GAREM2: variants seen among roughly 807,000 people sequenced by gnomAD.
GAREM2 encodes GRB2-associated and regulator of MAPK protein 2.
Under a neutral mutation model 55.6 loss-of-function variants are expected in GAREM2, and 30 were observed. That is an observed-to-expected ratio of 0.54 (90% confidence interval 0.40 to 0.73). GAREM2 has a LOEUF of 0.73. Among genes scored for constraint, GAREM2 ranks in the 30% least tolerant of loss-of-function variants. The probability of loss-of-function intolerance (pLI) is 0.00; values close to 1 mark genes in which losing one functional copy is unlikely to be tolerated. For missense variants in GAREM2, 1,075 were observed against 1,257.7 expected, an observed-to-expected ratio of 0.85 and a Z score of 2.20; for synonymous variants, 550 against 569.1, an observed-to-expected ratio of 0.97 and a Z score of 0.48.
At chr2:26,175,609 G>A (rs1668839272) in intron 1 of GAREM2, among the ~76,000 whole-genome samples, 2 of 152,134 alleles carry the variant, frequency 1.3e-5, no homozygotes, top group Non-Finnish European at 2.9e-5. Flanking sequence ...TGGGGTTGGG[G>A]GTTTCTGGGG....
chr2:26,193,836 C>T, downstream of GAREM2: 5 of 1,280,594 alleles, frequency 3.9e-6, no homozygotes, highest in South Asian at 4.8e-5. Context: ...AAAGGGCTCC[C>T]TGTACTGGCT....
At position 26,180,349 on chromosome 2, in the gene GAREM2, G is replaced by A. The variant is rs191873535; in HGVS notation, c.254-2618G>A. ...TGTTCATGCTAGGAGCACAGTGTGG[G>A]CATTTTTCTGGGATGAACATCCCCA... On this transcript the variant is annotated intron_variant, in intron 2 of 5. Transcript: ENST00000401533. 2.1e-4 allele frequency among the ~76,000 whole-genome samples: 32 copies of A among 152,230 alleles called. 1 individual carries two copies. The highest frequency in any genetic ancestry group is 2.1e-3 in the Admixed American group (32 of 15,294).
chr2:26,186,415 G>T (rs1188950711), intron 5 of GAREM2, 57 bp downstream of exon 5: 2 of 1,480,284 alleles, frequency 1.4e-6, no homozygotes, highest in East Asian at 2.5e-5. Flanking sequence ...GCAGGGAAGG[G>T]TGAGGAGGGG....
chr2:26,182,022 C>T (rs749047704), intron 2 of GAREM2: 19 of 995,974 alleles, frequency 1.9e-5, no homozygotes, highest in Non-Finnish European at 2.2e-5. Flanking sequence ...CTTCTCTCGA[C>T]TTGTTCCCTC....
At chr2:26,182,881 G>T (rs141788237) in intron 2 of GAREM2, 86 bp from the exon 3 acceptor site, 2 of 1,476,138 alleles carry the variant, frequency 1.4e-6, no homozygotes, top group Non-Finnish European at 9.2e-7. Flanking sequence ...GATTATGGTA[G>T]CAAGTGACCA....
At chr2:26,193,766 C>T (rs749747433), downstream of GAREM2, 7 of 1,613,986 alleles carry the variant, frequency 4.3e-6, no homozygotes, top group Non-Finnish European at 5.9e-6. Context: ...TTCGGGTCAA[C>T]TCCTTCCTGA....
In GAREM2 at chr2:26,184,324, T is replaced by A; in HGVS notation, c.476T>A (p.Ile159Asn). The change falls in exon 4 of 6, where the codon ATC (isoleucine) becomes AAC (asparagine). Residue 159 changes from isoleucine (I) to asparagine (N), a missense_variant. Transcript: ENST00000401533. ...DELTLMGQAE[I>N]LCAKTTKERS... ...CTCACTCTTATGGGCCAGGCGGAGA[T>A]CCTGTGCGCCAAGACCACCAAGGAG... The A allele has an allele frequency of 6.4e-7, 1 of 1,550,662 alleles. No homozygotes were observed. Among genetic ancestry groups the A allele is most frequent in the Non-Finnish European group, 8.7e-7 (1 of 1,146,708 alleles).
At chr2:26,201,247 G>T in the GAREM2 span, 2 of 1,611,180 alleles carry the variant, frequency 1.2e-6, no homozygotes, top group African/African-American at 2.7e-5. Flanking sequence ...TAATCAAGCT[G>T]CCCAGTCAAG....
chr2:26,174,541 GGTCA>G (rs1179231469), intron 1 of GAREM2, among the ~76,000 whole-genome samples: 2 of 152,214 alleles, frequency 1.3e-5, no homozygotes, highest in Admixed American at 6.5e-5. Context: ...CCATTATAAT[GGTCA>G]GTCAGTTTAT....
the GAREM2 span, among the ~76,000 whole-genome samples, chr2:26,197,080 C>T: frequency 6.6e-6 from 1 of 152,210 alleles, no homozygotes; most frequent in South Asian, 2.1e-4. Context: ...TTCCTGCCTA[C>T]CTTCGGCTGG....
the GAREM2 span, among the ~76,000 whole-genome samples, chr2:26,196,210 T>G: frequency 6.6e-6 from 1 of 152,240 alleles, no homozygotes; most frequent in Admixed American, 6.5e-5. Flanking sequence ...TATGACGGGG[T>G]GGGATTCCAT....
intron 2 of GAREM2, chr2:26,182,629 T>G: frequency 2.3e-6 from 2 of 882,988 alleles, no homozygotes; most frequent in East Asian, 2.7e-5. Flanking sequence ...ACCACACTGA[T>G]AGTTGATCAG....
At chr2:26,191,708 CG>C (rs1558313635), downstream of GAREM2, 2 of 1,444,406 alleles carry the variant, frequency 1.4e-6, no homozygotes, top group African/African-American at 1.4e-5. Flanking sequence ...GAATGGAAGT[CG>C]GGATGGGTGC....
intron 4 of GAREM2, among the ~76,000 whole-genome samples, 154 bp from the exon 5 acceptor site, chr2:26,186,035 G>C (rs1021101364): frequency 6.6e-6 from 1 of 152,164 alleles, no homozygotes; most frequent in Non-Finnish European, 1.5e-5. Context: ...GTGGCTGGCT[G>C]ACTGGATGAG....
chr2:26,201,698 CAG>C, the GAREM2 span, among the ~76,000 whole-genome samples: 1 of 152,064 alleles, frequency 6.6e-6, no homozygotes, highest in Non-Finnish European at 1.5e-5. Context: ...CTACCTATGA[CAG>C]GGGAAGCAGC....
In GAREM2 at chr2:26,187,900, A is replaced by C; in HGVS notation, c.2268A>C (p.Pro756=). 7.0e-7 allele frequency: 1 copy of C among 1,437,484 alleles called. No homozygotes were observed. The highest frequency in any genetic ancestry group is 9.2e-7 in the Non-Finnish European group (1 of 1,090,472). The allele number at this position is 1,437,484 out of a possible 1,614,324, so 89.0% of individuals were successfully genotyped here. The part of the protein sequence containing the change: ...EGLVLHQVPT[P]LSPAALQGPE... Reference sequence around the variant, plus strand: ...TGGTGCTGCACCAGGTCCCCACCCCACTGTCACCAGCTGCTCTGCAGGGAC... The same window carrying C: ...TGGTGCTGCACCAGGTCCCCACCCCCCTGTCACCAGCTGCTCTGCAGGGAC... The change falls in exon 6 of 6, where the codon CCA becomes CCC. Residue 756 remains proline, a synonymous_variant. Transcript: ENST00000401533.
downstream of GAREM2, chr2:26,192,497 C>T (rs1031026771): frequency 2.4e-5 from 21 of 889,658 alleles, no homozygotes; most frequent in South Asian, 2.6e-4. Flanking sequence ...TTCTCAGAAC[C>T]CTGGCCTGGC....
chr2:26,203,498 T>C, the GAREM2 span, among the ~76,000 whole-genome samples: 2 of 152,156 alleles, frequency 1.3e-5, no homozygotes, highest in Non-Finnish European at 2.9e-5. Context: ...AGAGGTAAGA[T>C]GGAGATAGTC....
At chr2:26,192,316 G>C (rs1669530829), downstream of GAREM2, 3 of 1,553,452 alleles carry the variant, frequency 1.9e-6, no homozygotes, top group South Asian at 3.3e-5. Flanking sequence ...TTACACTTCA[G>C]ACTTAGGAGG....
Sources: gnomAD v4.1 joint callset for allele counts (sites outside exome capture counted in the v4.1 genomes callset) on GRCh38, gnomAD v4.1.1 for gene constraint, MANE v1.5 for transcripts, NCBI Gene and HGNC (gene_info 2026-07-23, HGNC 2026-07-21) for gene names.